DNAH14: variants seen among roughly 807,000 people sequenced by gnomAD.
DNAH14 encodes the protein dynein axonemal heavy chain 14, also known as axonemal beta dynein heavy chain 14.
In DNAH14, 478 loss-of-function variants were observed where a neutral mutation model predicts 520.9. The observed-to-expected ratio is 0.92, with a 90% confidence interval of 0.85 to 0.99. DNAH14 has a LOEUF of 0.99. Among genes scored for constraint, DNAH14 ranks in the 50% least tolerant of loss-of-function variants. The pLI is 0.00. For missense variants in DNAH14, 4,831 were observed against 5,234.5 expected (o/e 0.92, Z 2.38); for synonymous variants, 1,581 against 1,757.2 (o/e 0.90, Z 2.51).
At chr1:225,213,089 G>C (rs1320440754) in intron 41 of DNAH14, among the ~76,000 whole-genome samples, 1 of 152,182 alleles carries the variant, frequency 6.6e-6, no homozygotes, top group Non-Finnish European at 1.5e-5. Context: ...TTATGTATAA[G>C]ATGTAAGGAA....
chr1:225,033,209 G>A (rs2449308), intron 11 of DNAH14, among the ~76,000 whole-genome samples: 121,144 of 152,094 alleles, frequency 0.8, 51,663 homozygotes, highest in Non-Finnish European at 0.96. Context: ...TTATAGTTTT[G>A]GGTTTTGCAT....
intron 8 of DNAH14, among the ~76,000 whole-genome samples, chr1:224,983,502 C>T (rs1004343024): frequency 6.6e-6 from 1 of 152,088 alleles, no homozygotes; most frequent in African/African-American, 2.4e-5. Context: ...CAAGGATGCC[C>T]ACTCTCATCA....
At chr1:225,161,475 C>T (rs2081513575) in intron 35 of DNAH14, among the ~76,000 whole-genome samples, 1 of 152,166 alleles carries the variant, frequency 6.6e-6, no homozygotes, top group South Asian at 2.1e-4. Flanking sequence ...CTGCAGCAAA[C>T]ATGCAGATAT....
chr1:225,026,185 G>A (rs1022949895), intron 11 of DNAH14, among the ~76,000 whole-genome samples: 3 of 151,708 alleles, frequency 2.0e-5, no homozygotes, highest in Non-Finnish European at 4.4e-5. Flanking sequence ...ATTAGATTCT[G>A]TGGGTCTTCT....
chr1:225,249,437 G>T (rs1277687850), intron 43 of DNAH14, among the ~76,000 whole-genome samples: 1 of 152,112 alleles, frequency 6.6e-6, no homozygotes, highest in Non-Finnish European at 1.5e-5. Flanking sequence ...ATTTATTTGG[G>T]ATGGACAGTA....
intron 17 of DNAH14, among the ~76,000 whole-genome samples, chr1:225,066,024 A>G (rs1006425150): frequency 1.3e-5 from 2 of 152,012 alleles, no homozygotes; most frequent in African/African-American, 4.8e-5. Context: ...TGCCACATGT[A>G]CTTTCATCAT....
intron 31 of DNAH14, among the ~76,000 whole-genome samples, chr1:225,151,645 C>T (rs1006448699): frequency 6.6e-6 from 1 of 152,206 alleles, no homozygotes; most frequent in Non-Finnish European, 1.5e-5. Flanking sequence ...GATATCTGTG[C>T]TGTGCCCCAT....
chr1:225,334,727 A>G (rs1325308246), intron 66 of DNAH14, among the ~76,000 whole-genome samples: 1 of 151,328 alleles, frequency 6.6e-6, no homozygotes, highest in African/African-American at 2.4e-5. Context: ...TTGCACATGC[A>G]CAATGGTGAC....
rs572949359 is a variant in DNAH14, at chr1:225,105,538, T to A, written c.3867+4654T>A. On this transcript the variant is annotated intron_variant, in intron 23 of 85. Coordinates refer to ENST00000682510, the MANE Select transcript of DNAH14 (RefSeq NM_001367479.1). ...GGGAGTCTAAGTCTCTTTCTAAGTC[T>A]CTAAGGACTTGCTTTATGAATCTGG... Among the ~76,000 whole-genome samples, 5 of 152,324 alleles carry A rather than the reference T, an allele frequency of 3.3e-5. No homozygotes were observed. In the East Asian group the frequency reaches 9.7e-4, roughly 29 times the overall value.
intron 64 of DNAH14, among the ~76,000 whole-genome samples, chr1:225,329,533 T>C (rs1297543341): frequency 6.6e-6 from 1 of 152,126 alleles, no homozygotes; most frequent in African/African-American, 2.4e-5. Flanking sequence ...TCAAGATAAG[T>C]GATAATTTAA....
intron 81 of DNAH14, among the ~76,000 whole-genome samples, chr1:225,383,919 G>A (rs1310851685): frequency 1.3e-5 from 2 of 152,170 alleles, no homozygotes; most frequent in African/African-American, 4.8e-5. Flanking sequence ...ATTTGTCCCA[G>A]AGATTCTGGT....
At chr1:225,061,871 G>A (rs553903980) in intron 17 of DNAH14, among the ~76,000 whole-genome samples, 1 of 152,146 alleles carries the variant, frequency 6.6e-6, no homozygotes, top group African/African-American at 2.4e-5. Context: ...ATATAGACAG[G>A]AATGAGAATG....
chr1:225,212,357 A>C (rs1481145534), intron 41 of DNAH14, among the ~76,000 whole-genome samples: 7 of 152,086 alleles, frequency 4.6e-5, no homozygotes, highest in Non-Finnish European at 8.8e-5. Flanking sequence ...ATAGTGCCGC[A>C]ATAAACATAC....
In DNAH14 at chr1:225,380,146, GTTTT is replaced by G; in HGVS notation, c.12717-8_12717-5del. ...TGTTCTGTGTCTCATTCTTCTCTTG[GTTTT>G]TTTTGCAGACCTGAGCAGAGTAAGG... On this transcript the variant is annotated splice_polypyrimidine_tract_variant and intron_variant, in intron 79 of 85. Coordinates refer to ENST00000682510, the MANE Select transcript of DNAH14 (RefSeq NM_001367479.1). 6.5e-7 allele frequency: 1 copy of G among 1,533,338 alleles called. No homozygotes were observed. The highest frequency in any genetic ancestry group is 8.8e-7 in the Non-Finnish European group (1 of 1,137,806). The allele number at this position is 1,533,338 out of a possible 1,614,324, so 95.0% of individuals were successfully genotyped here. A position where few individuals can be genotyped will look rare whatever the true frequency, so the allele number is the denominator to read the frequency against.
At chr1:225,333,566 T>A in intron 66 of DNAH14, 60 bp downstream of exon 66, 15 of 1,432,626 alleles carry the variant, frequency 1.0e-5, no homozygotes, top group Non-Finnish European at 1.4e-5. Context: ...GGATTTTAGC[T>A]GTATGTGTAG....
chr1:224,929,668 G>A (rs189391711), upstream of DNAH14: 2,934 of 702,466 alleles, frequency 4.2e-3, 10 homozygotes, highest in Non-Finnish European at 6.1e-3. Flanking sequence ...CGCAGGCGTG[G>A]CTCTTGGTCA....
rs952595001 is a variant in DNAH14 at position 225,327,311 on chromosome 1, C to T, written c.9723+2479C>T. Among the ~76,000 whole-genome samples the T allele has an allele frequency of 5.9e-5, 9 of 152,182 alleles. No individual in the cohort carries two copies. In the South Asian group the frequency reaches 1.0e-3, roughly 18 times the overall value. ...TAGCTGGGACTACAGGCACCCACCA[C>T]CACGCCCGGCTAATTTATTTTTTTT... On this transcript the variant is annotated intron_variant, in intron 64 of 85. Coordinates refer to ENST00000682510, the MANE Select transcript of DNAH14 (RefSeq NM_001367479.1).
intron 5 of DNAH14, among the ~76,000 whole-genome samples, chr1:224,966,616 G>A (rs984556265): frequency 6.6e-6 from 1 of 152,090 alleles, no homozygotes; most frequent in Non-Finnish European, 1.5e-5. Flanking sequence ...GTCAGACTTG[G>A]ATTCACATCC....
chr1:225,334,327 A>G (rs2094865612), intron 66 of DNAH14, among the ~76,000 whole-genome samples: 1 of 152,140 alleles, frequency 6.6e-6, no homozygotes, highest in African/African-American at 2.4e-5. Context: ...CGTGTCTAAA[A>G]AAAAATTAAA....
Sources: gnomAD v4.1 joint callset for allele counts (sites outside exome capture counted in the v4.1 genomes callset) on GRCh38, gnomAD v4.1.1 for gene constraint, MANE v1.5 for transcripts, NCBI Gene and HGNC (gene_info 2026-07-23, HGNC 2026-07-21) for gene names.